The following NKAIN3 variants were observed in gnomAD, a reference collection of about 807,000 sequenced individuals.
NKAIN3 encodes sodium/potassium-transporting ATPase subunit beta-1-interacting protein 3.
In NKAIN3, 25 loss-of-function variants were observed where a neutral mutation model predicts 30.2. That is an observed-to-expected ratio of 0.83 (90% CI 0.60 to 1.16). The LOEUF (loss-of-function observed/expected upper bound fraction) is 1.16, where lower values mean the gene tolerates loss of function less well. NKAIN3 is among the 50% of genes most tolerant of loss of function. NKAIN3 has a pLI of 0.00. For synonymous variants in NKAIN3, 91 were observed against 89.6 expected (o/e 1.02, Z -0.09); for missense variants, 225 against 254.1 (o/e 0.89, Z 0.78).
At chr8:62,878,847 T>A (rs1279623547) in intron 4 of NKAIN3, among the ~76,000 whole-genome samples, 1 of 152,134 alleles carries the variant, frequency 6.6e-6, no homozygotes, top group East Asian at 1.9e-4. Context: ...GAACTCATCA[T>A]TTTTTATGGC....
chr8:62,808,792 A>G (rs141984148), intron 4 of NKAIN3, among the ~76,000 whole-genome samples: 1,933 of 152,220 alleles, frequency 0.013, 34 homozygotes, highest in African/African-American at 0.042. Context: ...TTGCTAATGA[A>G]GTTTCATGTC....
At chr8:62,929,065 G>C (rs550954227) in intron 5 of NKAIN3, among the ~76,000 whole-genome samples, 17 of 152,334 alleles carry the variant, frequency 1.1e-4, no homozygotes, top group African/African-American at 3.8e-4. Flanking sequence ...ATGAAAAGGA[G>C]CTAAGAGGCA....
At chr8:62,850,393 C>T (rs1000824984) in intron 4 of NKAIN3, among the ~76,000 whole-genome samples, 11 of 151,996 alleles carry the variant, frequency 7.2e-5, no homozygotes, top group African/African-American at 2.4e-4. Flanking sequence ...AATTTTCTCC[C>T]ATTCTGTAGG....
chr8:62,849,812 C>G (rs1017696622), intron 4 of NKAIN3, among the ~76,000 whole-genome samples: 3 of 151,984 alleles, frequency 2.0e-5, no homozygotes, highest in Non-Finnish European at 4.4e-5. Flanking sequence ...GCATAGTATT[C>G]CATGGTGTAT....
intron 3 of NKAIN3, among the ~76,000 whole-genome samples, chr8:62,658,274 C>A (rs1051117022): frequency 2.0e-5 from 3 of 152,150 alleles, no homozygotes; most frequent in African/African-American, 7.2e-5. Flanking sequence ...ACCCACAGCC[C>A]TCTGTCAGTT....
intron 4 of NKAIN3, among the ~76,000 whole-genome samples, chr8:62,837,545 C>G (rs1439882240): frequency 6.6e-6 from 1 of 152,014 alleles, no homozygotes; most frequent in Non-Finnish European, 1.5e-5. Context: ...ATTAGAGTGC[C>G]CACACATCGT....
chr8:62,630,719 G>A (rs1385345929), intron 3 of NKAIN3, among the ~76,000 whole-genome samples: 2 of 152,042 alleles, frequency 1.3e-5, no homozygotes, highest in Non-Finnish European at 2.9e-5. Context: ...TGAATTAAAT[G>A]CTATCAGTTG....
intron 3 of NKAIN3, among the ~76,000 whole-genome samples, chr8:62,626,963 G>A (rs535079891): frequency 2.6e-5 from 4 of 152,096 alleles, no homozygotes; most frequent in Non-Finnish European, 5.9e-5. Context: ...ATTGCTAATT[G>A]TATGATTTGC....
chr8:62,655,279 C>A (rs1453521389), intron 3 of NKAIN3, among the ~76,000 whole-genome samples: 1 of 152,050 alleles, frequency 6.6e-6, no homozygotes, highest in Non-Finnish European at 1.5e-5. Context: ...ATGAATGAAC[C>A]TTTAATAACA....
In NKAIN3 at chr8:62,320,732, GT is replaced by G. The variant is rs1814856023; in HGVS notation, c.54+71606del. On this transcript the variant is annotated intron_variant, in intron 1 of 6. Coordinates refer to ENST00000623646, the MANE Select transcript of NKAIN3 (RefSeq NM_001304533.3). ...TAGTCTGATGGGCTTCCCTTTGTGG[GT>G]ATCCCGACCTTTCTCTCTGTTTGCC... Among the ~76,000 whole-genome samples the G allele has an allele frequency of 3.3e-5, 5 of 152,150 alleles. No homozygotes were observed. The South Asian group carries it at 8.3e-4, about 25-fold the overall frequency.
chr8:62,279,183 G>T (rs534376468), intron 1 of NKAIN3, among the ~76,000 whole-genome samples: 106 of 152,278 alleles, frequency 7.0e-4, no homozygotes, highest in African/African-American at 2.4e-3. Flanking sequence ...CTTCTTTTGA[G>T]AAGTGTCTGT....
rs1563551311 is a variant in NKAIN3, at chr8:62,763,259, A to AAAAAAAC, written c.471+16132_471+16133insAAAACAA. Among the ~76,000 whole-genome samples, 38 of 140,460 alleles carry AAAAAAAC rather than the reference A, an allele frequency of 2.7e-4. 2 individuals carry two copies. The highest frequency in any genetic ancestry group is 1.1e-3 in the African/African-American group (38 of 36,182). The allele number at this position is 140,460 out of a possible 152,430, so 92.1% of individuals were successfully genotyped here. ...AAAAAAAAAAAAAAAAAAAAAAAAA[A>AAAAAAAC]AACTTATATAGTCAGCCTAAAAAGA... On this transcript the variant is annotated intron_variant, in intron 4 of 6. Coordinates refer to ENST00000623646, the MANE Select transcript of NKAIN3 (RefSeq NM_001304533.3).
At chr8:62,770,768 A>T (rs1179157983) in intron 4 of NKAIN3, among the ~76,000 whole-genome samples, 3 of 152,036 alleles carry the variant, frequency 2.0e-5, no homozygotes, top group Non-Finnish European at 4.4e-5. Flanking sequence ...AAAATAAAAT[A>T]AAAATAAAAG....
intron 3 of NKAIN3, among the ~76,000 whole-genome samples, chr8:62,670,533 T>C (rs1210306971): frequency 6.6e-6 from 1 of 152,152 alleles, no homozygotes; most frequent in Non-Finnish European, 1.5e-5. Flanking sequence ...TCTGGATTTA[T>C]AAATACTGTA....
At chr8:62,421,196 G>A (rs1180800710) in intron 1 of NKAIN3, among the ~76,000 whole-genome samples, 2 of 152,168 alleles carry the variant, frequency 1.3e-5, no homozygotes, top group Non-Finnish European at 2.9e-5. Context: ...TAAGCAGAAA[G>A]CATCAGCTCT....
chr8:62,731,326 G>T (rs1276393938), intron 3 of NKAIN3, among the ~76,000 whole-genome samples: 1 of 151,076 alleles, frequency 6.6e-6, no homozygotes, highest in Non-Finnish European at 1.5e-5. Context: ...GATATTTTCA[G>T]TTTAATTTCA....
intron 5 of NKAIN3, among the ~76,000 whole-genome samples, chr8:62,995,931 A>G (rs1021626047): frequency 1.3e-5 from 2 of 152,046 alleles, no homozygotes; most frequent in African/African-American, 2.4e-5. Context: ...TGAATCAGAA[A>G]CTCTTGGGTG....
intron 1 of NKAIN3, among the ~76,000 whole-genome samples, chr8:62,430,413 G>T (rs984839387): frequency 6.7e-6 from 1 of 149,530 alleles, no homozygotes; most frequent in African/African-American, 2.4e-5. Flanking sequence ...GTGTGGATGG[G>T]TGTGTATTTG....
intron 3 of NKAIN3, among the ~76,000 whole-genome samples, chr8:62,603,256 C>T (rs1252427531): frequency 6.6e-6 from 1 of 152,138 alleles, no homozygotes; most frequent in African/African-American, 2.4e-5. Context: ...GTGACATTTG[C>T]AACAATTAAC....
Sources: gnomAD v4.1 joint callset for allele counts (sites outside exome capture counted in the v4.1 genomes callset) on GRCh38, gnomAD v4.1.1 for gene constraint, MANE v1.5 for transcripts, NCBI Gene and HGNC (gene_info 2026-07-23, HGNC 2026-07-21) for gene names.